MYO5A: variants seen among roughly 807,000 people sequenced by gnomAD.
MYO5A encodes the protein myosin VA, also known as unconventional myosin-Va.
MYO5A carries 98 observed loss-of-function variants against 249.7 expected under a neutral mutation model. The ratio of observed to expected loss-of-function variants is 0.39; its 90% CI spans 0.33 to 0.46. The LOEUF (loss-of-function observed/expected upper bound fraction) is 0.46, where lower values mean the gene tolerates loss of function less well. Ranked by LOEUF, MYO5A falls within the 20% of genes least tolerant of loss-of-function variation. The probability of loss-of-function intolerance (pLI) is 0.98; values close to 1 mark genes in which losing one functional copy is unlikely to be tolerated. For missense variants in MYO5A, 1,696 were observed against 2,308.8 expected, an observed-to-expected ratio of 0.73 and a Z score of 5.44; for synonymous variants, 778 against 810.6, an observed-to-expected ratio of 0.96 and a Z score of 0.68.
At chr15:52,514,734 C>G (rs2077463436) in intron 1 of MYO5A, among the ~76,000 whole-genome samples, 1 of 152,166 alleles carries the variant, frequency 6.6e-6, no homozygotes, top group South Asian at 2.1e-4. Flanking sequence ...CACAGACCTA[C>G]TGAGTCAGAA....
chr15:52,398,010 G>A (rs140859196), intron 9 of MYO5A, among the ~76,000 whole-genome samples: 60 of 152,298 alleles, frequency 3.9e-4, no homozygotes, highest in African/African-American at 1.4e-3. Flanking sequence ...CTGGGTGAAA[G>A]GAGGAGAAAA....
rs2037734184 is a variant in MYO5A, at chr15:52,310,189, T to C, written c.*3507A>G. 6.6e-6 allele frequency: 1 copy of C among 152,240 alleles called. No homozygotes were observed. Among genetic ancestry groups the C allele is most frequent in the Non-Finnish European group, 1.5e-5 (1 of 68,048 alleles). 9.4% of individuals were successfully genotyped at this position (152,240 alleles called of 1,614,324 possible). The stretch of plus-strand genomic sequence containing the variant: ...GCTTCGGAATATGTTTTTGTGCTTC[T>C]GCACCTGACAAAAGAAGCATCAGAT... On this transcript the variant is annotated 3_prime_UTR_variant, in exon 42 of 42. Transcript: ENST00000399233.
intron 1 of MYO5A, among the ~76,000 whole-genome samples, chr15:52,438,835 G>A (rs1375231827): frequency 6.6e-6 from 1 of 152,146 alleles, no homozygotes; most frequent in Non-Finnish European, 1.5e-5. Context: ...TGTTTGTTAC[G>A]GCTCGAGCTG....
rs750260355 is a variant in MYO5A, at chr15:52,375,426, T to C, written c.2455A>G (p.Thr819Ala). The part of the protein sequence containing the change: ...AKFLRRTKAA[T>A]IIQKYWRMYV... ...ATGCGCCAGTACTTTTGAATGATGG[T>C]TGCTGCCTTGGTTCTGCGCAGAAAC... Residue 819 changes from threonine to alanine, a missense_variant, in exon 20 of 42, where the codon ACC becomes GCC. Thr to Ala is a moderately conservative substitution (Grantham distance 58, BLOSUM62 0). Coordinates refer to ENST00000399233, the MANE Select transcript of MYO5A (RefSeq NM_001382347.1). 1 of 1,614,176 alleles carries C rather than the reference T, an allele frequency of 6.2e-7. No individual in the cohort carries two copies. Among genetic ancestry groups the C allele is most frequent in the South Asian group, 1.1e-5 (1 of 91,078 alleles).
rs150813634 is a variant in MYO5A at position 52,412,086 on chromosome 15, A to G, written c.613-1610T>C. Reference sequence around the variant, plus strand: ...TAAATGCAGACTTTTCTCTCAACACAATATATTCTTCCGAAGAGCAAATGA... The same window carrying G: ...TAAATGCAGACTTTTCTCTCAACACGATATATTCTTCCGAAGAGCAAATGA... On this transcript the variant is annotated intron_variant, in intron 5 of 41. Coordinates refer to ENST00000399233, the MANE Select transcript of MYO5A (RefSeq NM_001382347.1). Among the ~76,000 whole-genome samples the G allele has an allele frequency of 4.5e-4, 68 of 152,352 alleles. 1 individual carries two copies. The East Asian group carries it at 7.1e-3, about 16-fold the overall frequency.
intron 16 of MYO5A, among the ~76,000 whole-genome samples, chr15:52,382,696 C>T (rs1049511611): frequency 6.6e-5 from 10 of 152,192 alleles, no homozygotes; most frequent in Non-Finnish European, 8.8e-5. Flanking sequence ...TGAAAACAGA[C>T]ACCCTCTGAT....
At chr15:52,504,684 G>A (rs369789765) in intron 1 of MYO5A, among the ~76,000 whole-genome samples, 5 of 152,028 alleles carry the variant, frequency 3.3e-5, no homozygotes, top group Non-Finnish European at 4.4e-5. Context: ...GGTGGATCGC[G>A]AGGTCAGGAG....
intron 1 of MYO5A, among the ~76,000 whole-genome samples, chr15:52,454,866 A>G (rs1410901250): frequency 6.6e-6 from 1 of 152,162 alleles, no homozygotes; most frequent in Non-Finnish European, 1.5e-5. Context: ...CTACATCAAA[A>G]AAGTAAAAAG....
intron 1 of MYO5A, among the ~76,000 whole-genome samples, chr15:52,510,968 A>G (rs548475644): frequency 6.6e-6 from 1 of 152,348 alleles, no homozygotes; most frequent in Non-Finnish European, 1.5e-5. Flanking sequence ...AAGCTGTACT[A>G]TACAGGTTTT....
chr15:52,353,670 T>C lies in MYO5A; in HGVS notation c.3568-12A>G. On this transcript the variant is annotated splice_polypyrimidine_tract_variant and intron_variant, in intron 26 of 41. Coordinates refer to ENST00000399233, the MANE Select transcript of MYO5A (RefSeq NM_001382347.1). Reference sequence around the variant, plus strand: ...GGTCTTTCTTCTTCCTAGGGAAAAGTTAAAGTTTTATATTTTAATTGTCAC... The same window carrying C: ...GGTCTTTCTTCTTCCTAGGGAAAAGCTAAAGTTTTATATTTTAATTGTCAC... 6.2e-7 allele frequency: 1 copy of C among 1,611,292 alleles called. No individual in the cohort carries two copies. Among genetic ancestry groups the C allele is most frequent in the Non-Finnish European group, 8.5e-7 (1 of 1,177,460 alleles).
intron 25 of MYO5A, among the ~76,000 whole-genome samples, chr15:52,357,452 CAAAA>C (rs35645503): frequency 1.1e-5 from 1 of 93,726 alleles, no homozygotes; most frequent in Non-Finnish European, 2.6e-5. Context: ...CTAGAACTAG[CAAAA>C]AAAAAAAAAA....
intron 1 of MYO5A, among the ~76,000 whole-genome samples, chr15:52,453,300 A>C (rs565752330): frequency 6.6e-6 from 1 of 152,214 alleles, no homozygotes; most frequent in Admixed American, 6.5e-5. Context: ...AAAGACAAAA[A>C]AACCCTGCCA....
At chr15:52,458,168 A>C (rs2076158690) in intron 1 of MYO5A, among the ~76,000 whole-genome samples, 1 of 152,222 alleles carries the variant, frequency 6.6e-6, no homozygotes, top group Non-Finnish European at 1.5e-5. Flanking sequence ...TGTTAGAAGA[A>C]ATAACTGCTA....
At chr15:52,358,792 T>TA (rs58240010) in intron 25 of MYO5A, among the ~76,000 whole-genome samples, 191 of 149,372 alleles carry the variant, frequency 1.3e-3, no homozygotes, top group East Asian at 3.3e-3. Context: ...TACTGTTTTT[T>TA]AAAAAAAAAA....
chr15:52,429,715 AC>A, intron 2 of MYO5A, among the ~76,000 whole-genome samples: 1 of 152,120 alleles, frequency 6.6e-6, no homozygotes, highest in Non-Finnish European at 1.5e-5. Context: ...ACAAAACAAA[AC>A]AAAACAAACG....
intron 1 of MYO5A, among the ~76,000 whole-genome samples, chr15:52,448,819 C>T (rs1334414675): frequency 6.6e-6 from 1 of 152,066 alleles, no homozygotes; most frequent in Non-Finnish European, 1.5e-5. Flanking sequence ...TAACCTTCTG[C>T]CATGATTGTA....
chr15:52,313,487 G>A lies in MYO5A; in HGVS notation c.*209C>T. The A allele has an allele frequency of 3.2e-6, 2 of 619,970 alleles. No homozygotes were observed. The highest frequency in any genetic ancestry group is 2.7e-5 in the Admixed American group (1 of 37,514). The allele number at this position is 619,970 out of a possible 1,614,324, so 38.4% of individuals were successfully genotyped here. ...GGTACCTAGTTGGTTAAGGATGAGTGTTGCTATAAAGATAACACAGCACGA... is the reference window on the plus strand; with the variant it reads ...GGTACCTAGTTGGTTAAGGATGAGTATTGCTATAAAGATAACACAGCACGA... On this transcript the variant is annotated 3_prime_UTR_variant, in exon 42 of 42. Coordinates refer to ENST00000399233, the MANE Select transcript of MYO5A (RefSeq NM_001382347.1).
At chr15:52,337,269 A>G (rs986761336) in intron 33 of MYO5A, among the ~76,000 whole-genome samples, 1 of 152,220 alleles carries the variant, frequency 6.6e-6, no homozygotes, top group Non-Finnish European at 1.5e-5. Context: ...AAGGTAAAAA[A>G]AAGTCCATGA....
At chr15:52,395,009 T>G (rs550452942) in intron 11 of MYO5A, among the ~76,000 whole-genome samples, 4 of 152,356 alleles carry the variant, frequency 2.6e-5, no homozygotes, top group South Asian at 4.1e-4. Context: ...TAAAGATGGT[T>G]CAAGTTTTTT....
Sources: gnomAD v4.1 joint callset for allele counts (sites outside exome capture counted in the v4.1 genomes callset) on GRCh38, gnomAD v4.1.1 for gene constraint, MANE v1.5 for transcripts, NCBI Gene and HGNC (gene_info 2026-07-23, HGNC 2026-07-21) for gene names.